NAALADL2: variants seen among roughly 807,000 people sequenced by gnomAD.
The protein encoded by NAALADL2 is N-acetylated alpha-linked acidic dipeptidase like 2.
A neutral mutation model predicts 87.2 loss-of-function variants in NAALADL2; 76 were observed. The ratio of observed to expected loss-of-function variants is 0.87; its 90% CI spans 0.72 to 1.05. NAALADL2 has a LOEUF of 1.05. Among genes scored for constraint, NAALADL2 ranks in the 50% least tolerant of loss-of-function variants. The pLI is 0.00. For synonymous variants in NAALADL2, 354 were observed against 331.0 expected (o/e 1.07, Z -0.75); for missense variants, 1,089 against 945.8 (o/e 1.15, Z -1.99).
In NAALADL2 at chr3:174,964,248, G is replaced by A. The variant is rs192245700; in HGVS notation, c.43+104798G>A. Among the ~76,000 whole-genome samples, 115 of 152,144 alleles carry A rather than the reference G, an allele frequency of 7.6e-4. 1 individual carries two copies. Among genetic ancestry groups the A allele is most frequent in the Admixed American group, 6.1e-3 (93 of 15,258 alleles). On this transcript the variant is annotated intron_variant, in intron 1 of 13. Transcript: ENST00000454872. ...GTATGGAAAATGGTCTCTATTCATAGAGCTTACATTTTAGTGGCAGGAGTG... is the reference window on the plus strand; with the variant it reads ...GTATGGAAAATGGTCTCTATTCATAAAGCTTACATTTTAGTGGCAGGAGTG...
chr3:174,666,120 T>C (rs1030355003), intron 2 of NAALADL2, among the ~76,000 whole-genome samples: 7 of 152,134 alleles, frequency 4.6e-5, no homozygotes, highest in Non-Finnish European at 1.0e-4. Flanking sequence ...TCCATGTCTA[T>C]AAACTAGAAA....
chr3:175,084,190 TA>T (rs1444668980), intron 1 of NAALADL2, among the ~76,000 whole-genome samples: 6 of 152,186 alleles, frequency 3.9e-5, no homozygotes, highest in Non-Finnish European at 8.8e-5. Flanking sequence ...TATTGCTGAG[TA>T]AAAAGCTACC....
At chr3:175,130,060 G>A (rs564213218) in intron 2 of NAALADL2, among the ~76,000 whole-genome samples, 3 of 152,202 alleles carry the variant, frequency 2.0e-5, no homozygotes, top group South Asian at 2.1e-4. Flanking sequence ...AGTGATTAGC[G>A]ATGTTGTATA....
At chr3:175,061,324 C>T (rs1339534011) in intron 1 of NAALADL2, among the ~76,000 whole-genome samples, 2 of 152,062 alleles carry the variant, frequency 1.3e-5, no homozygotes, top group Admixed American at 6.6e-5. Flanking sequence ...ATTTTATAAG[C>T]AGAATTATGA....
At chr3:175,401,401 G>T (rs1770547432) in intron 5 of NAALADL2, among the ~76,000 whole-genome samples, 1 of 152,016 alleles carries the variant, frequency 6.6e-6, no homozygotes, top group Non-Finnish European at 1.5e-5. Context: ...AAAGTCAAAG[G>T]ATTTATATTT....
intron 2 of NAALADL2, among the ~76,000 whole-genome samples, chr3:175,191,807 A>C (rs1738251543): frequency 6.6e-6 from 1 of 152,230 alleles, no homozygotes; most frequent in South Asian, 2.1e-4. Flanking sequence ...GGAAAACACA[A>C]AACTAATTAG....
At chr3:174,809,262 T>C (rs1457177131) in intron 3 of NAALADL2, among the ~76,000 whole-genome samples, 2 of 152,194 alleles carry the variant, frequency 1.3e-5, no homozygotes, top group Non-Finnish European at 2.9e-5. Context: ...TTTGGAGGTA[T>C]ACTGGATCTA....
chr3:175,245,253 TCTCTAAGGTA>T (rs1245982128), intron 3 of NAALADL2, among the ~76,000 whole-genome samples: 1 of 152,190 alleles, frequency 6.6e-6, no homozygotes, highest in African/African-American at 2.4e-5. Flanking sequence ...AGCTATATAA[TCTCTAAGGTA>T]CTATTTATTA....
intron 5 of NAALADL2, among the ~76,000 whole-genome samples, chr3:175,335,725 TGAAAAATTGTG>T (rs1417093601): frequency 6.6e-6 from 1 of 152,210 alleles, no homozygotes; most frequent in Non-Finnish European, 1.5e-5. Flanking sequence ...GTGTCTTGTA[TGAAAAATTGTG>T]TTGCACTTTT....
chr3:174,547,267 C>T (rs1484212814), intron 1 of NAALADL2, among the ~76,000 whole-genome samples: 3 of 152,126 alleles, frequency 2.0e-5, no homozygotes, highest in Non-Finnish European at 4.4e-5. Context: ...TGCATATACA[C>T]TCTGATTAGC....
chr3:175,113,006 GGTT>G (rs1724466796), intron 2 of NAALADL2, among the ~76,000 whole-genome samples: 1 of 151,554 alleles, frequency 6.6e-6, no homozygotes. Context: ...AGTAAATTAG[GGTT>G]GTTGTGAGTG....
At chr3:175,279,297 C>G (rs1753980281) in intron 4 of NAALADL2, among the ~76,000 whole-genome samples, 1 of 152,080 alleles carries the variant, frequency 6.6e-6, no homozygotes, top group Non-Finnish European at 1.5e-5. Flanking sequence ...ATTGAAATTA[C>G]TAAAATATTC....
chr3:174,794,348 G>C (rs139521443), intron 3 of NAALADL2, among the ~76,000 whole-genome samples: 4 of 151,790 alleles, frequency 2.6e-5, no homozygotes, highest in Admixed American at 2.0e-4. Context: ...TAAAATTATT[G>C]GTTATATAAA....
chr3:174,972,777 C>T (rs1315860762), intron 1 of NAALADL2, among the ~76,000 whole-genome samples: 1 of 151,962 alleles, frequency 6.6e-6, no homozygotes, highest in East Asian at 1.9e-4. Flanking sequence ...GGGCGGGTCA[C>T]CTGAGGTCAG....
chr3:175,562,953 G>GGGGT (rs1553922845), intron 9 of NAALADL2, among the ~76,000 whole-genome samples: 1 of 149,832 alleles, frequency 6.7e-6, no homozygotes, highest in Non-Finnish European at 1.5e-5. Flanking sequence ...ATATAGGAGG[G>GGGGT]GTGTGTGTGT....
At chr3:175,430,262 AT>A (rs1717530229) in intron 5 of NAALADL2, among the ~76,000 whole-genome samples, 1 of 151,938 alleles carries the variant, frequency 6.6e-6, no homozygotes, top group African/African-American at 2.4e-5. Flanking sequence ...TTTTATAAAA[AT>A]TATAAAGTTC....
At chr3:174,445,095 AG>A (rs1172316063) in intron 1 of NAALADL2, among the ~76,000 whole-genome samples, 2 of 151,530 alleles carry the variant, frequency 1.3e-5, no homozygotes, top group Non-Finnish European at 2.9e-5. Context: ...AAGTCTTGGC[AG>A]GGGATGGTGA....
At chr3:175,496,469 C>T (rs1008798327) in intron 9 of NAALADL2, among the ~76,000 whole-genome samples, 2 of 151,926 alleles carry the variant, frequency 1.3e-5, no homozygotes, top group African/African-American at 4.8e-5. Flanking sequence ...AACTTCATCT[C>T]CTGGCAAACC....
At chr3:175,148,603 G>C (rs546344942) in intron 2 of NAALADL2, among the ~76,000 whole-genome samples, 21 of 152,106 alleles carry the variant, frequency 1.4e-4, no homozygotes, top group Admixed American at 2.6e-4. Flanking sequence ...ATTCATCTTA[G>C]TTAGTTAGTT....
Sources: gnomAD v4.1 joint callset for allele counts (sites outside exome capture counted in the v4.1 genomes callset) on GRCh38, gnomAD v4.1.1 for gene constraint, MANE v1.5 for transcripts, NCBI Gene and HGNC (gene_info 2026-07-23, HGNC 2026-07-21) for gene names.